ADAM22: variants seen among roughly 807,000 people sequenced by gnomAD.
ADAM22 encodes disintegrin and metalloproteinase domain-containing protein 22.
ADAM22 carries 65 observed loss-of-function variants against 144.6 expected under a neutral mutation model. The observed-to-expected ratio is 0.45, with a 90% CI of 0.37 to 0.55. The LOEUF is 0.55. ADAM22 is among the 20% of genes least tolerant of loss of function. The pLI, the probability that ADAM22 is intolerant of heterozygous loss-of-function variation, is 0.00. For missense variants in ADAM22, 974 were observed against 1,184.9 expected (o/e 0.82, Z 2.61); for synonymous variants, 391 against 412.6 (o/e 0.95, Z 0.63).
At chr7:88,127,551 T>G (rs1465391001) in intron 8 of ADAM22, among the ~76,000 whole-genome samples, 1 of 152,012 alleles carries the variant, frequency 6.6e-6, no homozygotes, top group African/African-American at 2.4e-5. Flanking sequence ...CTCAGAATTG[T>G]ATCTATTATT....
At chr7:88,080,130 A>G (rs1816066199) in intron 4 of ADAM22, among the ~76,000 whole-genome samples, 1 of 152,242 alleles carries the variant, frequency 6.6e-6, no homozygotes. Context: ...AAAGAACAGA[A>G]ATTATAACAA....
At chr7:87,960,394 G>GTA (rs1047998477) in intron 2 of ADAM22, among the ~76,000 whole-genome samples, 4 of 151,686 alleles carry the variant, frequency 2.6e-5, no homozygotes, top group African/African-American at 9.7e-5. Flanking sequence ...GTGTGTGTGT[G>GTA]TGTCTGTGTG....
At chr7:88,067,325 C>T in intron 3 of ADAM22, among the ~76,000 whole-genome samples, 1 of 151,314 alleles carries the variant, frequency 6.6e-6, no homozygotes, top group Non-Finnish European at 1.5e-5. Flanking sequence ...ATACATGTGC[C>T]ATGCTGGTGT....
chr7:88,095,505 T>TATAA (rs1409371104), intron 4 of ADAM22, among the ~76,000 whole-genome samples: 1 of 152,130 alleles, frequency 6.6e-6, no homozygotes, highest in Non-Finnish European at 1.5e-5. Context: ...ATGCAGTGAA[T>TATAA]ATAAACAGGA....
At chr7:88,163,308 A>G in intron 23 of ADAM22, 128 bp downstream of exon 23, 1 of 684,786 alleles carries the variant, frequency 1.5e-6, no homozygotes, top group Non-Finnish European at 2.2e-6. Flanking sequence ...GTATATAAAT[A>G]CTAATTCAAT....
At chr7:88,114,779 A>C in intron 6 of ADAM22, 132 bp downstream of exon 6, 1 of 746,718 alleles carries the variant, frequency 1.3e-6, no homozygotes, top group Non-Finnish European at 2.1e-6. Flanking sequence ...ATATGTACAG[A>C]TGCTCCTCAA....
chr7:88,017,219 A>C (rs1327361728), intron 3 of ADAM22, among the ~76,000 whole-genome samples: 1 of 152,212 alleles, frequency 6.6e-6, no homozygotes, highest in Non-Finnish European at 1.5e-5. Context: ...CGTAGGGTGA[A>C]TATATTTAAC....
At chr7:88,011,341 A>C (rs1425042699) in intron 3 of ADAM22, among the ~76,000 whole-genome samples, 1 of 152,148 alleles carries the variant, frequency 6.6e-6, no homozygotes, top group Non-Finnish European at 1.5e-5. Context: ...GGAGATTGAG[A>C]CCATCCTGGC....
At position 88,124,441 on chromosome 7, in the gene ADAM22, G is replaced by A. The variant is rs562865488; in HGVS notation, c.608-1148G>A. On this transcript the variant is annotated intron_variant, in intron 7 of 31. Coordinates refer to ENST00000413139, the MANE Select transcript of ADAM22 (RefSeq NM_001324418.2). ...AATATTTCCTTCACAGTTCTCTTGT[G>A]ATTAATGTTTGTAAGGTGTATCTTC... 1.9e-3 allele frequency among the ~76,000 whole-genome samples: 284 copies of A among 151,432 alleles called. 2 individuals carry two copies. The highest frequency in any genetic ancestry group is 6.5e-3 in the African/African-American group (267 of 41,390).
At chr7:88,093,540 TTTG>T (rs530005343) in intron 4 of ADAM22, among the ~76,000 whole-genome samples, 3 of 152,056 alleles carry the variant, frequency 2.0e-5, no homozygotes, top group East Asian at 3.9e-4. Flanking sequence ...TTTCTTTCTT[TTTG>T]TTGTTGTTGT....
intron 31 of ADAM22, among the ~76,000 whole-genome samples, chr7:88,195,601 C>T (rs188246484): frequency 4.4e-4 from 67 of 152,192 alleles, no homozygotes; most frequent in African/African-American, 1.3e-3. Flanking sequence ...CTGCAAGCTC[C>T]GCCTCCCGGG....
chr7:87,940,021 G>A (rs62489878), intron 2 of ADAM22, among the ~76,000 whole-genome samples: 7 of 151,786 alleles, frequency 4.6e-5, no homozygotes, highest in African/African-American at 7.3e-5. Flanking sequence ...GGTGAAACCC[G>A]CCTCTATGAA....
chr7:87,944,376 A>G (rs917584655), intron 2 of ADAM22, among the ~76,000 whole-genome samples: 1 of 152,156 alleles, frequency 6.6e-6, no homozygotes, highest in African/African-American at 2.4e-5. Flanking sequence ...TGCTACAGGA[A>G]GAGCTACCAC....
chr7:88,134,485 G>A, intron 13 of ADAM22, 66 bp downstream of exon 13: 2 of 1,304,792 alleles, frequency 1.5e-6, no homozygotes, highest in Non-Finnish European at 2.1e-6. Flanking sequence ...ATTTTGGAGA[G>A]TAAAATTTTT....
intron 3 of ADAM22, among the ~76,000 whole-genome samples, chr7:88,054,653 G>A (rs952906216): frequency 7.3e-5 from 10 of 137,922 alleles, no homozygotes; most frequent in Admixed American, 5.2e-4. Context: ...ACACATGGTC[G>A]GTTTCCCCTG....
intron 4 of ADAM22, among the ~76,000 whole-genome samples, chr7:88,085,682 A>G (rs917728812): frequency 1.3e-5 from 2 of 152,240 alleles, no homozygotes; most frequent in Non-Finnish European, 2.9e-5. Context: ...AAAGGCAAAC[A>G]ATTTTATATT....
Position 88,131,344 on chromosome 7 carries a change from A to G in ADAM22, c.901A>G (p.Ile301Val), listed in dbSNP as rs747056335. Residue 301 changes from isoleucine (I) to valine (V), a missense_variant, in exon 11 of 32, where the codon ATA becomes GTA. Around this residue, in one of 2 missense-constraint regions of ADAM22, gnomAD observed 734 missense variants for 950.6 expected, o/e 0.77. Transcript: ENST00000413139. ...CTGGGCGACTGACAACAAGTTTGCCATATCTGAAAATCCATTGATCACCCT... is the reference window on the plus strand; with the variant it reads ...CTGGGCGACTGACAACAAGTTTGCCGTATCTGAAAATCCATTGATCACCCT... Reference protein sequence around the residue: ...ETWATDNKFAISENPLITLRE... With the variant: ...ETWATDNKFAVSENPLITLRE... The G allele has an allele frequency of 4.3e-6, 7 of 1,613,780 alleles. No individual in the cohort carries two copies. The highest frequency in any genetic ancestry group is 3.3e-5 in the South Asian group (3 of 91,078).
At position 88,088,243 on chromosome 7, in the gene ADAM22, G is replaced by T. The variant is rs116507811; in HGVS notation, c.390+12551G>T. 2.9e-3 allele frequency among the ~76,000 whole-genome samples: 435 copies of T among 152,202 alleles called. 2 individuals carry two copies. Among genetic ancestry groups the T allele is most frequent in the African/African-American group, 0.01 (420 of 41,538 alleles). ...ACAAGGAATTTGAGTTAGTAGCAAG[G>T]AGGAAGCCTGAGTTTTTATCCAGAA... On this transcript the variant is annotated intron_variant, in intron 4 of 31. Transcript: ENST00000413139.
chr7:87,973,661 C>T (rs1851089237), intron 2 of ADAM22, among the ~76,000 whole-genome samples: 1 of 152,084 alleles, frequency 6.6e-6, no homozygotes, highest in South Asian at 2.1e-4. Flanking sequence ...TGGCACTATT[C>T]ACAATAGCAA....
Sources: gnomAD v4.1 joint callset for allele counts (sites outside exome capture counted in the v4.1 genomes callset) on GRCh38, gnomAD v4.1.1 for gene constraint, gnomAD v4.1.1 regional missense constraint, MANE v1.5 for transcripts, NCBI Gene and HGNC (gene_info 2026-07-23, HGNC 2026-07-21) for gene names.